Variants in DSCAML1 observed in about 807,000 individuals in gnomAD.
DSCAML1 encodes the protein DS cell adhesion molecule like 1.
In DSCAML1, 38 loss-of-function variants were observed where a neutral mutation model predicts 200.5. The observed-to-expected ratio is 0.19, with a 90% CI of 0.15 to 0.25. The LOEUF (loss-of-function observed/expected upper bound fraction) is 0.25, where lower values mean the gene tolerates loss of function less well. Ranked by LOEUF, DSCAML1 falls within the 10% of genes least tolerant of loss-of-function variation. DSCAML1 has a pLI of 1.00. For synonymous variants in DSCAML1, 1,215 were observed against 1,165.0 expected (o/e 1.04, Z -0.87); for missense variants, 2,223 against 2,858.8 (o/e 0.78, Z 5.07).
chr11:117,487,205 G>A (rs2049091280), intron 11 of DSCAML1, among the ~76,000 whole-genome samples: 1 of 152,046 alleles, frequency 6.6e-6, no homozygotes. Flanking sequence ...GATTACAGGT[G>A]TGAGCCACTG....
intron 11 of DSCAML1, among the ~76,000 whole-genome samples, chr11:117,502,471 T>C (rs1024784336): frequency 6.6e-6 from 1 of 152,216 alleles, no homozygotes; most frequent in Non-Finnish European, 1.5e-5. Context: ...CCTGGTTTTA[T>C]TAAGGACAAA....
At chr11:117,658,077 T>G (rs1244719822) in intron 3 of DSCAML1, among the ~76,000 whole-genome samples, 1 of 152,142 alleles carries the variant, frequency 6.6e-6, no homozygotes, top group Non-Finnish European at 1.5e-5. Context: ...TTTTCCACCG[T>G]GCAACTGCCT....
intron 3 of DSCAML1, among the ~76,000 whole-genome samples, chr11:117,590,882 G>C (rs898099549): frequency 6.6e-6 from 1 of 152,146 alleles, no homozygotes; most frequent in Non-Finnish European, 1.5e-5. Flanking sequence ...CGGAAAATGG[G>C]CATACTGCTC....
At chr11:117,782,309 A>G (rs944550367) in intron 1 of DSCAML1, among the ~76,000 whole-genome samples, 28 of 152,344 alleles carry the variant, frequency 1.8e-4, no homozygotes, top group African/African-American at 6.5e-4. Context: ...AAAAGCCGTG[A>G]TGGAGCCATT....
chr11:117,482,035 G>A lies in DSCAML1; in HGVS notation c.2487C>T (p.Ile829=), dbSNP rs141950419. Residue 829 remains isoleucine, a synonymous_variant, in exon 12 of 33, where the codon ATC becomes ATT. Coordinates refer to ENST00000651296, the MANE Select transcript of DSCAML1 (RefSeq NM_020693.4). ...IIRWEKGDTV[I]DPDRVMRYAI... ...CATACCGCATGACGCGGTCAGGGTC[G>A]ATGACTGTGTCCCCCTTCTCCCAGC... 7.4e-6 allele frequency: 12 copies of A among 1,614,174 alleles called. No individual in the cohort carries two copies. Among genetic ancestry groups the A allele is most frequent in the South Asian group, 4.4e-5 (4 of 91,088 alleles).
chr11:117,810,052 CACACATTCACACACTCACTT>C lies in DSCAML1; in HGVS notation c.-250+7318_-250+7337del, dbSNP rs368133230. ...ATATTTTCACACACATTCACACTCACACACATTCACACACTCACTTACACATTCGCACACACATACACACA... is the reference window on the plus strand; with the variant it reads ...ATATTTTCACACACATTCACACTCACACACATTCGCACACACATACACACA... On this transcript the variant is annotated intron_variant, in intron 1 of 2. Transcript: ENST00000525836. Among the ~76,000 whole-genome samples, 731 of 151,974 alleles carry C rather than the reference CACACATTCACACACTCACTT, an allele frequency of 4.8e-3. 1 individual carries two copies. Among genetic ancestry groups the C allele is most frequent in the African/African-American group, 0.016 (648 of 41,448 alleles).
At position 117,476,584 on chromosome 11, in the gene DSCAML1, G is replaced by C. The variant is rs543077512; in HGVS notation, c.2785+3859C>G. On this transcript the variant is annotated intron_variant, in intron 14 of 32. Transcript: ENST00000651296. ...GCGCTATGAGGCTGGTGTAGGGGAG[G>C]GCCATCCTCAAAGAACCCATCCTTG... 1.1e-3 allele frequency among the ~76,000 whole-genome samples: 173 copies of C among 152,336 alleles called. 1 individual carries two copies. Among genetic ancestry groups the C allele is most frequent in the African/African-American group, 3.9e-3 (163 of 41,570 alleles).
Position 117,498,602 on chromosome 11 carries a change from T to C in DSCAML1, c.2359+5243A>G, listed in dbSNP as rs2049337461. 6.6e-6 allele frequency among the ~76,000 whole-genome samples: 1 copy of C among 152,168 alleles called. No individual in the cohort carries two copies. On this transcript the variant is annotated intron_variant, in intron 11 of 32. Coordinates refer to ENST00000651296, the MANE Select transcript of DSCAML1 (RefSeq NM_020693.4). The surrounding 1 kb of genome is among the most constrained non-coding windows in gnomAD (Gnocchi z 4.0). The stretch of plus-strand genomic sequence containing the variant: ...GGGCAAATTTGAAATGAGGACCATC[T>C]TGGATCTCCAGACGCACTTTTCCAA...
In DSCAML1 at chr11:117,516,947, GACTC is replaced by G. The variant is rs1027653131; in HGVS notation, c.1511-212_1511-209del. On this transcript the variant is annotated intron_variant, in intron 7 of 32. Coordinates refer to ENST00000651296, the MANE Select transcript of DSCAML1 (RefSeq NM_020693.4). This position sits in a 1 kb window ranked among gnomAD's most constrained non-coding sequence, Gnocchi z 5.7. ...TGGGGGGTGCCCACAGTCTCTCCAG[GACTC>G]ACTGTTACTAGCTTCAAAGAGTTGC... is the stretch of plus-strand genomic sequence containing the variant. Among the ~76,000 whole-genome samples, 10 of 152,160 alleles carry G rather than the reference GACTC, an allele frequency of 6.6e-5. No individual in the cohort carries two copies. Among genetic ancestry groups the G allele is most frequent in the African/African-American group, 2.4e-4 (10 of 41,434 alleles).
At position 117,523,106 on chromosome 11, in the gene DSCAML1, C is replaced by T. The variant is rs1057498785; in HGVS notation, c.937+1699G>A. ...TACAGGCACCATATACGTGTGCATG[C>T]GTACTTGGGGAGGCGGGCAGGTGCA... On this transcript the variant is annotated intron_variant, in intron 5 of 32. Transcript: ENST00000651296. 4.6e-5 allele frequency among the ~76,000 whole-genome samples: 7 copies of T among 152,244 alleles called. No homozygotes were observed. In the East Asian group the frequency reaches 7.7e-4, roughly 17 times the overall value.
intron 24 of DSCAML1, 88 bp from the exon 25 acceptor site, chr11:117,438,171 C>T (rs1460651540): frequency 7.5e-7 from 1 of 1,338,596 alleles, no homozygotes; most frequent in Non-Finnish European, 1.0e-6. Context: ...GGGGGCTGGG[C>T]TCCAGGCAGG....
rs112571425 is a variant in DSCAML1, at chr11:117,749,335, T to C, written c.511+27456A>G. ...GCCTCTCCCCATTCAGAGAGCGGCA[T>C]GTACAGAGAACGAGCCTTCCTCCCA... On this transcript the variant is annotated intron_variant, in intron 3 of 32. Coordinates refer to ENST00000651296, the MANE Select transcript of DSCAML1 (RefSeq NM_020693.4). Among the ~76,000 whole-genome samples the C allele has an allele frequency of 9.6e-3, 1,463 of 152,306 alleles. 14 individuals carry two copies. The highest frequency in any genetic ancestry group is 0.027 in the Middle Eastern group (8 of 294).
At chr11:117,546,990 G>A (rs934744348) in intron 3 of DSCAML1, among the ~76,000 whole-genome samples, 2 of 152,098 alleles carry the variant, frequency 1.3e-5, no homozygotes, top group African/African-American at 2.4e-5. Flanking sequence ...TGAGAGGGGC[G>A]CTTTAAGAAT....
Position 117,534,043 on chromosome 11 carries a change from G to A in DSCAML1, c.512-1521C>T, listed in dbSNP as rs112616036. 3.3e-3 allele frequency among the ~76,000 whole-genome samples: 496 copies of A among 152,358 alleles called. 8 individuals are homozygous for A. The highest frequency in any genetic ancestry group is 0.011 in the African/African-American group (459 of 41,580). On this transcript the variant is annotated intron_variant, in intron 3 of 32. Transcript: ENST00000651296. ...CATGCTGAACCCACAGGAAGAACCC[G>A]ATAGCACCACATGTCAGGCTGGCAG...
At chr11:117,588,861 T>A (rs931103739) in intron 3 of DSCAML1, among the ~76,000 whole-genome samples, 1 of 152,140 alleles carries the variant, frequency 6.6e-6, no homozygotes, top group African/African-American at 2.4e-5. Flanking sequence ...CCTTTTCTCT[T>A]CCTCTTCTTC....
intron 3 of DSCAML1, among the ~76,000 whole-genome samples, chr11:117,608,613 G>T (rs2051622701): frequency 6.6e-6 from 1 of 152,180 alleles, no homozygotes; most frequent in South Asian, 2.1e-4. Flanking sequence ...CCATTGTGTG[G>T]ATGTACTGAA....
At chr11:117,774,396 G>T (rs147143813) in intron 3 of DSCAML1, among the ~76,000 whole-genome samples, 16 of 152,240 alleles carry the variant, frequency 1.1e-4, no homozygotes, top group Non-Finnish European at 4.4e-5. Context: ...CCTAATAATC[G>T]CAATAACCTG....
intron 3 of DSCAML1, among the ~76,000 whole-genome samples, chr11:117,575,175 G>A (rs1393995818): frequency 6.6e-6 from 1 of 152,188 alleles, no homozygotes; most frequent in Non-Finnish European, 1.5e-5. Flanking sequence ...TGGGCAACAA[G>A]AGTGAAACTC....
intron 3 of DSCAML1, among the ~76,000 whole-genome samples, chr11:117,707,107 A>C (rs552865052): frequency 4.6e-4 from 70 of 152,306 alleles, no homozygotes; most frequent in Non-Finnish European, 4.4e-4. Context: ...AAGTACCTAC[A>C]AAGCCTGTCC....
Sources: gnomAD v4.1 joint callset for allele counts (sites outside exome capture counted in the v4.1 genomes callset) on GRCh38, gnomAD v4.1.1 for gene constraint, Gnocchi (gnomAD v3.1) non-coding constraint, MANE v1.5 for transcripts, NCBI Gene and HGNC (gene_info 2026-07-23, HGNC 2026-07-21) for gene names.